ARHGAP24: variants seen among roughly 807,000 people sequenced by gnomAD.
The protein encoded by ARHGAP24 is rho GTPase-activating protein 24.
ARHGAP24 carries 50 observed loss-of-function variants against 76.4 expected under a neutral mutation model. That is an observed-to-expected ratio of 0.65 (90% CI 0.52 to 0.83). The LOEUF (loss-of-function observed/expected upper bound fraction) is 0.83. Among genes scored for constraint, ARHGAP24 ranks in the 40% least tolerant of loss-of-function variants. The probability of loss-of-function intolerance (pLI) is 0.00; values close to 1 mark genes in which losing one functional copy is unlikely to be tolerated. For synonymous variants in ARHGAP24, 345 were observed against 323.3 expected, an observed-to-expected ratio of 1.07 and a Z score of -0.72; for missense variants, 930 against 914.2, an observed-to-expected ratio of 1.02 and a Z score of -0.22.
intron 3 of ARHGAP24, among the ~76,000 whole-genome samples, chr4:85,878,713 C>G (rs1733075473): frequency 6.6e-6 from 1 of 152,076 alleles, no homozygotes; most frequent in Non-Finnish European, 1.5e-5. Flanking sequence ...TAAAAGTCCC[C>G]AAAGTACTTG....
At chr4:85,666,285 C>T (rs546765505) in intron 2 of ARHGAP24, among the ~76,000 whole-genome samples, 2 of 152,286 alleles carry the variant, frequency 1.3e-5, no homozygotes, top group Non-Finnish European at 2.9e-5. Flanking sequence ...ATCACTGATA[C>T]CCTTTCTTCC....
intron 3 of ARHGAP24, among the ~76,000 whole-genome samples, chr4:85,921,866 A>G (rs940523355): frequency 6.6e-6 from 1 of 152,094 alleles, no homozygotes; most frequent in African/African-American, 2.4e-5. Context: ...TAGTTGAACT[A>G]ACGCCTGATG....
intron 3 of ARHGAP24, among the ~76,000 whole-genome samples, chr4:85,837,006 A>C (rs1487714044): frequency 6.6e-6 from 1 of 152,128 alleles, no homozygotes; most frequent in Non-Finnish European, 1.5e-5. Flanking sequence ...GCTGATGTGC[A>C]GGGACTCCCT....
intron 2 of ARHGAP24, among the ~76,000 whole-genome samples, chr4:85,686,852 TCTCTGC>T (rs1723442419): frequency 6.8e-6 from 1 of 146,074 alleles, no homozygotes; most frequent in Non-Finnish European, 1.5e-5. Context: ...AAATTAGTCT[TCTCTGC>T]TTGTAAATTT....
intron 2 of ARHGAP24, among the ~76,000 whole-genome samples, chr4:85,577,702 T>C (rs62315647): frequency 0.02 from 2,998 of 152,324 alleles, 43 homozygotes; most frequent in South Asian, 0.047. Flanking sequence ...AGTATTTTAA[T>C]AAAGATAAAA....
chr4:85,984,039 C>T (rs1252800473), intron 8 of ARHGAP24, among the ~76,000 whole-genome samples: 1 of 152,200 alleles, frequency 6.6e-6, no homozygotes, highest in Non-Finnish European at 1.5e-5. Context: ...TTTTGCCCTA[C>T]AGGAACTTAC....
At chr4:85,550,907 T>G (rs888914344) in intron 1 of ARHGAP24, among the ~76,000 whole-genome samples, 3 of 152,210 alleles carry the variant, frequency 2.0e-5, no homozygotes, top group Non-Finnish European at 2.9e-5. Context: ...CTGAAGTTGT[T>G]TATTAGATCA....
At chr4:85,612,189 C>T (rs1720411288) in intron 2 of ARHGAP24, among the ~76,000 whole-genome samples, 1 of 151,674 alleles carries the variant, frequency 6.6e-6, no homozygotes, top group Admixed American at 6.6e-5. Flanking sequence ...GAGGCCGAGG[C>T]GGGTGGATCA....
chr4:85,666,714 G>A (rs989575040), intron 2 of ARHGAP24, among the ~76,000 whole-genome samples: 2 of 152,128 alleles, frequency 1.3e-5, no homozygotes, highest in Non-Finnish European at 2.9e-5. Context: ...CCTTTTAACA[G>A]ACAGGACCCT....
intron 5 of ARHGAP24, among the ~76,000 whole-genome samples, chr4:85,950,023 G>A (rs1169823607): frequency 6.6e-6 from 1 of 152,118 alleles, no homozygotes; most frequent in Non-Finnish European, 1.5e-5. Context: ...TGAGTAAAGT[G>A]GTGGAGATAC....
intron 1 of ARHGAP24, among the ~76,000 whole-genome samples, chr4:85,545,895 CTG>C (rs2110125883): frequency 6.6e-6 from 1 of 152,156 alleles, no homozygotes; most frequent in East Asian, 1.9e-4. Flanking sequence ...TTTTGAATGT[CTG>C]GGGCTATTCT....
At chr4:85,964,292 A>G (rs1738438662) in intron 5 of ARHGAP24, among the ~76,000 whole-genome samples, 1 of 149,752 alleles carries the variant, frequency 6.7e-6, no homozygotes, top group African/African-American at 2.5e-5. Flanking sequence ...ATCCACTGTG[A>G]AAAAAAAATG....
At position 85,913,156 on chromosome 4, in the gene ARHGAP24, C is replaced by G. The variant is rs542443434; in HGVS notation, c.269-10492C>G. ...TCCAGCCATTGCTGCCCCCATTTCT[C>G]TACTCCTTAATACATTAAAATGCCT... is the stretch of plus-strand genomic sequence containing the variant. On this transcript the variant is annotated intron_variant, in intron 3 of 9. Coordinates refer to ENST00000395184, the MANE Select transcript of ARHGAP24 (RefSeq NM_001025616.3). Among the ~76,000 whole-genome samples, 90 of 152,202 alleles carry G rather than the reference C, an allele frequency of 5.9e-4. No homozygotes were observed. In the South Asian group the frequency reaches 0.018, roughly 31 times the overall value.
chr4:85,754,470 A>G (rs930531905), intron 3 of ARHGAP24, among the ~76,000 whole-genome samples: 1 of 152,200 alleles, frequency 6.6e-6, no homozygotes, highest in African/African-American at 2.4e-5. Flanking sequence ...TTTCTCATGC[A>G]TTGTCCTTAT....
At chr4:85,600,233 G>A (rs1018033697) in intron 2 of ARHGAP24, among the ~76,000 whole-genome samples, 3 of 152,198 alleles carry the variant, frequency 2.0e-5, no homozygotes, top group African/African-American at 7.2e-5. Flanking sequence ...TCACTGCAGT[G>A]AGAAGGGCTA....
chr4:85,487,978 T>C (rs1723201071), intron 1 of ARHGAP24, among the ~76,000 whole-genome samples: 2 of 147,142 alleles, frequency 1.4e-5, no homozygotes, highest in Non-Finnish European at 3.0e-5. Flanking sequence ...TGATCTCGGC[T>C]CACTGCAAGC....
At chr4:85,872,075 G>A (rs761061898) in intron 3 of ARHGAP24, among the ~76,000 whole-genome samples, 1 of 151,276 alleles carries the variant, frequency 6.6e-6, no homozygotes, top group Non-Finnish European at 1.5e-5. Flanking sequence ...AAAAATATTC[G>A]TGAATTATTT....
rs750699000 is a variant in ARHGAP24 at position 86,000,694 on chromosome 4, A to G, written c.2219A>G (p.Glu740Gly). 2.4e-5 allele frequency: 39 copies of G among 1,613,814 alleles called. 1 individual carries two copies. The South Asian group carries it at 4.3e-4, about 18-fold the overall frequency. Residue 740 changes from glutamate to glycine, a missense_variant, in exon 10 of 10, where the codon GAG becomes GGG. By Grantham distance (98) the Glu-to-Gly change is moderately conservative. Transcript: ENST00000395184. Reference sequence around the variant, plus strand: ...CTGACAGTGGAACCCAGGAGAACCGAGAGAGGAAACACAATATGGATTCAG... The same window carrying G: ...CTGACAGTGGAACCCAGGAGAACCGGGAGAGGAAACACAATATGGATTCAG... ...GELTVEPRRT[E>G]RGNTIWIQ
chr4:85,807,848 G>T (rs941099662), intron 3 of ARHGAP24, among the ~76,000 whole-genome samples: 90 of 152,200 alleles, frequency 5.9e-4, no homozygotes, highest in Non-Finnish European at 2.2e-4. Context: ...AAGCTTCCAT[G>T]ACTTGCTAGT....
Sources: allele counts gnomAD v4.1 joint callset (sites outside exome capture counted in the v4.1 genomes callset), GRCh38; gene constraint gnomAD v4.1.1; transcripts MANE v1.5; gene names NCBI Gene and HGNC (gene_info 2026-07-23, HGNC 2026-07-21).